Variants in HDAC4 observed in about 807,000 individuals in gnomAD.
The protein encoded by HDAC4 is histone deacetylase 4.
In HDAC4, 16 loss-of-function variants were observed where a neutral mutation model predicts 135.1. The ratio of observed to expected loss-of-function variants is 0.12; its 90% CI spans 0.08 to 0.18. The LOEUF (loss-of-function observed/expected upper bound fraction) is 0.18. Among genes scored for constraint, HDAC4 ranks in the 10% least tolerant of loss-of-function variants. The pLI is 1.00. For synonymous variants in HDAC4, 685 were observed against 653.4 expected, an observed-to-expected ratio of 1.05 and a Z score of -0.74; for missense variants, 1,143 against 1,511.8, an observed-to-expected ratio of 0.76 and a Z score of 4.05.
chr2:239,101,174 C>G (rs2037585739), intron 16 of HDAC4, among the ~76,000 whole-genome samples: 1 of 152,190 alleles, frequency 6.6e-6, no homozygotes, highest in Non-Finnish European at 1.5e-5. Context: ...TTCTCACTTT[C>G]CCCAAACTTG....
At chr2:239,189,371 C>T (rs535891388) in intron 4 of HDAC4, among the ~76,000 whole-genome samples, 8 of 151,276 alleles carry the variant, frequency 5.3e-5, no homozygotes, top group East Asian at 3.9e-4. Flanking sequence ...TTTTTCTTAC[C>T]GCATTTAAAT....
At chr2:239,275,680 A>G (rs551094210) in intron 2 of HDAC4, among the ~76,000 whole-genome samples, 1 of 152,202 alleles carries the variant, frequency 6.6e-6, no homozygotes, top group Non-Finnish European at 1.5e-5. Context: ...CTCCAGGTCC[A>G]GCCTCAGAGT....
intron 24 of HDAC4, among the ~76,000 whole-genome samples, chr2:239,060,460 G>A (rs1356749434): frequency 6.6e-6 from 1 of 152,226 alleles, no homozygotes; most frequent in African/African-American, 2.4e-5. Flanking sequence ...AACTTCACAA[G>A]GAGGGAAAGC....
chr2:239,292,954 A>G (rs148457092), intron 2 of HDAC4, among the ~76,000 whole-genome samples: 1 of 152,350 alleles, frequency 6.6e-6, no homozygotes, highest in East Asian at 1.9e-4. Flanking sequence ...ATCACTCAAT[A>G]AATAGCAAGC....
chr2:239,281,237 CCA>C (rs1232444222), intron 2 of HDAC4, among the ~76,000 whole-genome samples: 1 of 145,284 alleles, frequency 6.9e-6, no homozygotes, highest in Non-Finnish European at 1.5e-5. Flanking sequence ...AATGTACACA[CCA>C]CTCTCCACAC....
intron 12 of HDAC4, among the ~76,000 whole-genome samples, chr2:239,122,409 G>A (rs951856297): frequency 6.6e-6 from 1 of 152,236 alleles, no homozygotes; most frequent in African/African-American, 2.4e-5. Context: ...GGCCAAGTCC[G>A]GACGTGGCCA....
chr2:239,361,736 G>A lies in HDAC4; in HGVS notation c.-219-8818C>T, dbSNP rs946297985. On this transcript the variant is annotated intron_variant, in intron 1 of 26. Transcript: ENST00000543185. ...CACCTCTCTTCTTTCTGCCCATTCC[G>A]TCACCTTCTCCTTAGGTGGTGTGTC... 2.0e-4 allele frequency among the ~76,000 whole-genome samples: 30 copies of A among 152,114 alleles called. 1 individual carries two copies. The highest frequency in any genetic ancestry group is 1.2e-3 in the East Asian group (6 of 5,204).
intron 14 of HDAC4, among the ~76,000 whole-genome samples, chr2:239,110,921 T>C (rs1177414483): frequency 6.6e-6 from 1 of 152,160 alleles, no homozygotes; most frequent in East Asian, 1.9e-4. Flanking sequence ...TCCTGCCTCC[T>C]CAGCCGTGGT....
At chr2:239,142,106 G>T (rs3828208) in intron 8 of HDAC4, among the ~76,000 whole-genome samples, 105,342 of 151,850 alleles carry the variant, frequency 0.69, 37,405 homozygotes, top group South Asian at 0.9. Flanking sequence ...ACAGAACACG[G>T]GCTGCGGGAA....
At chr2:239,057,733 A>G (rs1559347492) in intron 24 of HDAC4, among the ~76,000 whole-genome samples, 1 of 152,340 alleles carries the variant, frequency 6.6e-6, no homozygotes, top group East Asian at 1.9e-4. Flanking sequence ...GAAGTTGACC[A>G]CATGAGTGTT....
intron 6 of HDAC4, chr2:239,162,132 A>C (rs1469977995): frequency 2.2e-6 from 1 of 456,544 alleles, no homozygotes; most frequent in East Asian, 7.0e-5. Flanking sequence ...CAGCAGCCCC[A>C]CTGCTCTAGT....
At chr2:239,235,146 T>C (rs918855430) in intron 3 of HDAC4, among the ~76,000 whole-genome samples, 2 of 152,038 alleles carry the variant, frequency 1.3e-5, no homozygotes, top group South Asian at 2.1e-4. Context: ...TCAGTAATAA[T>C]GCAGAGTAAA....
At chr2:239,099,145 G>A (rs951030034) in intron 16 of HDAC4, among the ~76,000 whole-genome samples, 1 of 152,212 alleles carries the variant, frequency 6.6e-6, no homozygotes, top group Admixed American at 6.5e-5. Context: ...AGGTGGTGGA[G>A]CTAAGCCTGC....
At chr2:239,210,478 C>T (rs368005045) in intron 3 of HDAC4, among the ~76,000 whole-genome samples, 7 of 152,326 alleles carry the variant, frequency 4.6e-5, no homozygotes, top group African/African-American at 1.7e-4. Flanking sequence ...CAGTGCTAAA[C>T]CCTATTCTCA....
At chr2:239,231,525 A>C in intron 3 of HDAC4, among the ~76,000 whole-genome samples, 1 of 152,252 alleles carries the variant, frequency 6.6e-6, no homozygotes, top group East Asian at 1.9e-4. Flanking sequence ...GAGGGCCGTA[A>C]GCCCTCAGCA....
intron 22 of HDAC4, among the ~76,000 whole-genome samples, chr2:239,071,747 G>A (rs952885515): frequency 3.3e-5 from 5 of 152,094 alleles, no homozygotes; most frequent in African/African-American, 7.2e-5. Context: ...CATTTCCACC[G>A]AAAGCTCTGC....
intron 2 of HDAC4, among the ~76,000 whole-genome samples, chr2:239,291,400 G>A (rs999565538): frequency 2.0e-5 from 3 of 152,204 alleles, no homozygotes; most frequent in East Asian, 1.9e-4. Flanking sequence ...GAGCCTGATC[G>A]CCCTCAAAGA....
At chr2:239,170,622 C>T (rs1427401135) in intron 5 of HDAC4, among the ~76,000 whole-genome samples, 1 of 152,178 alleles carries the variant, frequency 6.6e-6, no homozygotes, top group Non-Finnish European at 1.5e-5. Context: ...AATAATGTAA[C>T]TTCAAGAATT....
chr2:239,244,379 T>C (rs991247258), intron 2 of HDAC4, among the ~76,000 whole-genome samples: 22 of 151,654 alleles, frequency 1.5e-4, no homozygotes, highest in African/African-American at 3.9e-4. Flanking sequence ...AGGGCCCATG[T>C]GGCCCACCAA....
Sources: gnomAD v4.1 joint callset for allele counts (sites outside exome capture counted in the v4.1 genomes callset) on GRCh38, gnomAD v4.1.1 for gene constraint, MANE v1.5 for transcripts, NCBI Gene and HGNC (gene_info 2026-07-23, HGNC 2026-07-21) for gene names.